The following EFCAB5 variants were observed in gnomAD, a reference collection of about 807,000 sequenced individuals.
The protein encoded by EFCAB5 is EF-hand calcium binding domain 5, also known as EF-hand calcium-binding domain-containing protein 5.
In EFCAB5, 131 loss-of-function variants were observed where a neutral mutation model predicts 167.9. The observed-to-expected ratio is 0.78, with a 90% CI of 0.68 to 0.90. The LOEUF (loss-of-function observed/expected upper bound fraction) is 0.90. Among genes scored for constraint, EFCAB5 ranks in the 40% least tolerant of loss-of-function variants. EFCAB5 has a pLI of 0.00. For synonymous variants in EFCAB5, 574 were observed against 602.8 expected (o/e 0.95, Z 0.70); for missense variants, 1,663 against 1,745.2 (o/e 0.95, Z 0.84).
chr17:30,053,682 AG>A lies in EFCAB5; in HGVS notation c.1730del (p.Gly577AspfsTer7). 1 of 1,614,064 alleles carries A rather than the reference AG, an allele frequency of 6.2e-7. No homozygotes were observed. The highest frequency in any genetic ancestry group is 1.7e-5 in the Admixed American group (1 of 60,026). On this transcript the variant is annotated frameshift_variant, in exon 10 of 23. Transcript: ENST00000394835. LOFTEE classifies it high-confidence loss of function. The stretch of plus-strand genomic sequence containing the variant: ...CACACAGAGAGTCAACTACAGAACA[AG>A]GACAGCACAAAGGGTCAATAGAAGG... ...ETHRESTTEQ[G>X]QHKGSIEGQG... is the part of the protein sequence containing the mutation.
At chr17:29,985,453 G>GAC (rs1169431737) in intron 4 of EFCAB5, among the ~76,000 whole-genome samples, 1 of 152,152 alleles carries the variant, frequency 6.6e-6, no homozygotes, top group Non-Finnish European at 1.5e-5. Flanking sequence ...AGGAATTAAA[G>GAC]ACACACACAC....
chr17:30,007,614 C>G (rs1363175586), intron 7 of EFCAB5, among the ~76,000 whole-genome samples: 1 of 152,148 alleles, frequency 6.6e-6, no homozygotes, highest in Non-Finnish European at 1.5e-5. Flanking sequence ...TGGTTAGAGA[C>G]TTCTAAACAG....
chr17:30,068,753 G>A lies in EFCAB5; in HGVS notation c.2737+9052G>A, dbSNP rs2070648565. 27 of 1,421,120 alleles carry A rather than the reference G, an allele frequency of 1.9e-5. No individual in the cohort carries two copies. The South Asian group carries it at 2.9e-4, about 15-fold the overall frequency. 88.0% of individuals were successfully genotyped at this position (1,421,120 alleles called of 1,614,324 possible). On this transcript the variant is annotated intron_variant, in intron 14 of 22. Coordinates refer to ENST00000394835, the MANE Select transcript of EFCAB5 (RefSeq NM_198529.4). ...AGCCGGGATGAGCTGTTCCGCAGGA[G>A]TCCCTGGCCCAAGGGCAACTTCTCC... is the stretch of plus-strand genomic sequence containing the variant.
intron 3 of EFCAB5, among the ~76,000 whole-genome samples, chr17:29,946,201 A>G (rs2067393447): frequency 6.6e-6 from 1 of 152,198 alleles, no homozygotes; most frequent in African/African-American, 2.4e-5. Context: ...AAAAGAATAT[A>G]TACAAATGGC....
intron 3 of EFCAB5, among the ~76,000 whole-genome samples, chr17:29,964,475 A>G (rs2067786205): frequency 6.6e-6 from 1 of 152,004 alleles, no homozygotes; most frequent in South Asian, 2.1e-4. Context: ...TTGTAATTTT[A>G]GTAGAGACGG....
At chr17:30,042,787 T>G (rs930791629) in intron 8 of EFCAB5, among the ~76,000 whole-genome samples, 6 of 152,196 alleles carry the variant, frequency 3.9e-5, no homozygotes, top group African/African-American at 1.2e-4. Flanking sequence ...CCAACTCATT[T>G]TATGGGGCCA....
intron 8 of EFCAB5, among the ~76,000 whole-genome samples, chr17:30,041,233 A>AGG (rs2069765007): frequency 1.3e-5 from 2 of 152,086 alleles, no homozygotes; most frequent in African/African-American, 2.4e-5. Context: ...GAAGGAAGGA[A>AGG]ATAATTCACC....
intron 7 of EFCAB5, among the ~76,000 whole-genome samples, chr17:30,001,102 C>A (rs1006780172): frequency 6.6e-6 from 1 of 152,172 alleles, no homozygotes; most frequent in African/African-American, 2.4e-5. Context: ...TGTCCCTTTG[C>A]TCCTTTCTGT....
rs776628135 is a variant in EFCAB5 at position 30,056,054 on chromosome 17, G to A, written c.2273-10G>A. ...TTTGATTGGCTATGTTATGGAATGT[G>A]TTTTTACAGGTGAATTTTTTACTTG... On this transcript the variant is annotated splice_polypyrimidine_tract_variant and intron_variant, in intron 11 of 22. Coordinates refer to ENST00000394835, the MANE Select transcript of EFCAB5 (RefSeq NM_198529.4). 61 of 1,612,872 alleles carry A rather than the reference G, an allele frequency of 3.8e-5. No individual in the cohort carries two copies. The highest frequency in any genetic ancestry group is 1.6e-4 in the Middle Eastern group (1 of 6,076).
intron 3 of EFCAB5, among the ~76,000 whole-genome samples, chr17:29,954,056 C>T (rs1164116080): frequency 6.6e-6 from 1 of 152,066 alleles, no homozygotes; most frequent in Non-Finnish European, 1.5e-5. Context: ...AATTTCTAAG[C>T]AGTGAAGGGT....
chr17:30,097,058 ATAT>A lies in EFCAB5; in HGVS notation c.4321+4124_4321+4126del, dbSNP rs1198620147. Among the ~76,000 whole-genome samples, 371 of 63,368 alleles carry A rather than the reference ATAT, an allele frequency of 5.9e-3. 3 individuals are homozygous for A. The highest frequency in any genetic ancestry group is 0.022 in the South Asian group (51 of 2,290). 41.6% of individuals were successfully genotyped at this position (63,368 alleles called of 152,430 possible). A position where few individuals can be genotyped will look rare whatever the true frequency, so the allele number is the denominator to read the frequency against. On this transcript the variant is annotated intron_variant, in intron 22 of 22. Coordinates refer to ENST00000394835, the MANE Select transcript of EFCAB5 (RefSeq NM_198529.4). Reference sequence around the variant, plus strand: ...TATACATATACATATACATATATATATATTTTTTTTTTTTTGAGATGGAGTTTC... The same window carrying A: ...TATACATATACATATACATATATATATTTTTTTTTTTTGAGATGGAGTTTC...
chr17:29,930,244 G>T, intron 1 of EFCAB5: 1 of 524,094 alleles, frequency 1.9e-6, no homozygotes, highest in South Asian at 2.5e-5. Flanking sequence ...CTCCCAGTGC[G>T]CAGGCGCCAC....
At chr17:30,026,112 A>G (rs1294177374) in intron 7 of EFCAB5, among the ~76,000 whole-genome samples, 4 of 151,948 alleles carry the variant, frequency 2.6e-5, no homozygotes, top group African/African-American at 4.8e-5. Flanking sequence ...TGGCACATGT[A>G]TACATATGTA....
At chr17:30,069,481 C>T (rs2070671171) in intron 14 of EFCAB5, 1 of 1,591,338 alleles carries the variant, frequency 6.3e-7, no homozygotes, top group Non-Finnish European at 8.6e-7. Flanking sequence ...ATGGCGTTCA[C>T]CAGTTAGTTG....
intron 4 of EFCAB5, among the ~76,000 whole-genome samples, chr17:29,986,672 G>A (rs1256996447): frequency 1.3e-4 from 13 of 96,522 alleles, no homozygotes; most frequent in Admixed American, 7.1e-4. Context: ...TTTTTGAGAC[G>A]GAGTCTCGCT....
At chr17:30,048,613 G>T (rs1597723708) in intron 8 of EFCAB5, among the ~76,000 whole-genome samples, 1 of 151,628 alleles carries the variant, frequency 6.6e-6, no homozygotes, top group African/African-American at 2.4e-5. Flanking sequence ...TCCTACCTCA[G>T]CCTCCCAAGT....
chr17:29,949,624 T>C (rs2067468715), intron 3 of EFCAB5, among the ~76,000 whole-genome samples: 1 of 152,226 alleles, frequency 6.6e-6, no homozygotes, highest in Non-Finnish European at 1.5e-5. Flanking sequence ...TAAATTGCCC[T>C]TGGGGCAGTG....
chr17:29,990,763 G>T (rs1700305014), intron 4 of EFCAB5, among the ~76,000 whole-genome samples: 1 of 152,146 alleles, frequency 6.6e-6, no homozygotes, highest in South Asian at 2.1e-4. Flanking sequence ...GAACTGCCAG[G>T]CCTCTAAATC....
upstream of EFCAB5, among the ~76,000 whole-genome samples, chr17:29,940,297 G>A (rs1173753068): frequency 6.6e-6 from 1 of 152,040 alleles, no homozygotes; most frequent in Non-Finnish European, 1.5e-5. Flanking sequence ...GGCTCGTCTC[G>A]AACTCCTGAC....
Sources: gnomAD v4.1 joint callset for allele counts (sites outside exome capture counted in the v4.1 genomes callset) on GRCh38, gnomAD v4.1.1 for gene constraint, MANE v1.5 for transcripts, NCBI Gene and HGNC (gene_info 2026-07-23, HGNC 2026-07-21) for gene names.